Variants in B3GALT1 observed in about 807,000 individuals in gnomAD.
B3GALT1 encodes UDP-Gal:betaGlcNAc beta 1,3-galactosyltransferase, polypeptide 1.
A neutral mutation model predicts 23.2 loss-of-function variants in B3GALT1; 10 were observed. The observed-to-expected ratio is 0.43, with a 90% CI of 0.27 to 0.73. The LOEUF (loss-of-function observed/expected upper bound fraction) is 0.73. Among genes scored for constraint, B3GALT1 ranks in the 30% least tolerant of loss-of-function variants. The probability of loss-of-function intolerance (pLI) is 0.21; values close to 1 mark genes in which losing one functional copy is unlikely to be tolerated. For missense variants in B3GALT1, 299 were observed against 405.4 expected (o/e 0.74, Z 2.25); for synonymous variants, 156 against 141.5 (o/e 1.10, Z -0.73).
intron 1 of B3GALT1, among the ~76,000 whole-genome samples, chr2:167,365,949 G>C (rs2126920): frequency 6.6e-6 from 1 of 152,136 alleles, no homozygotes; most frequent in Non-Finnish European, 1.5e-5. Flanking sequence ...CTGGCCAAAG[G>C]CTACAGATAT....
intron 1 of B3GALT1, among the ~76,000 whole-genome samples, chr2:167,316,814 G>A (rs1488564085): frequency 6.6e-6 from 1 of 152,054 alleles, no homozygotes; most frequent in Non-Finnish European, 1.5e-5. Flanking sequence ...CCTGAGATCA[G>A]CTCCCAAATA....
intron 2 of B3GALT1, among the ~76,000 whole-genome samples, chr2:167,551,865 A>T (rs1187688731): frequency 2.0e-5 from 3 of 152,156 alleles, no homozygotes; most frequent in African/African-American, 4.8e-5. Context: ...GTCTGGGAGC[A>T]CACTGGAGGG....
At chr2:167,616,561 G>T (rs1275613670) in intron 2 of B3GALT1, among the ~76,000 whole-genome samples, 1 of 152,012 alleles carries the variant, frequency 6.6e-6, no homozygotes, top group African/African-American at 2.4e-5. Flanking sequence ...AATTAGCTGG[G>T]TGTGGTGGTG....
At chr2:167,392,872 A>T (rs534536890) in intron 1 of B3GALT1, among the ~76,000 whole-genome samples, 2 of 152,304 alleles carry the variant, frequency 1.3e-5, no homozygotes, top group South Asian at 4.1e-4. Flanking sequence ...TGGATGTATC[A>T]TAACACACTC....
chr2:167,835,133 A>G (rs144673187), intron 4 of B3GALT1, among the ~76,000 whole-genome samples: 52 of 152,250 alleles, frequency 3.4e-4, no homozygotes, highest in African/African-American at 1.2e-3. Context: ...CTGCATTTCC[A>G]TCTGAGGTAC....
At chr2:167,598,027 G>T (rs530349017) in intron 2 of B3GALT1, among the ~76,000 whole-genome samples, 1 of 152,270 alleles carries the variant, frequency 6.6e-6, no homozygotes, top group East Asian at 1.9e-4. Flanking sequence ...TTACCAATCT[G>T]AGGACAGCTT....
chr2:167,746,455 C>G (rs1687653744), intron 3 of B3GALT1, among the ~76,000 whole-genome samples: 1 of 152,194 alleles, frequency 6.6e-6, no homozygotes. Context: ...GCATGCATGA[C>G]CTAACCAAAG....
At chr2:167,659,986 T>C (rs1292075906) in intron 3 of B3GALT1, among the ~76,000 whole-genome samples, 1 of 152,092 alleles carries the variant, frequency 6.6e-6, no homozygotes, top group African/African-American at 2.4e-5. Flanking sequence ...TGTCGTGATC[T>C]GCATCTGGTC....
intron 2 of B3GALT1, among the ~76,000 whole-genome samples, chr2:167,616,273 G>T (rs1282040661): frequency 6.6e-6 from 1 of 152,024 alleles, no homozygotes; most frequent in Non-Finnish European, 1.5e-5. Context: ...TACATCTCTA[G>T]AGGGCAATTT....
chr2:167,800,851 C>T (rs1206369241), intron 3 of B3GALT1, among the ~76,000 whole-genome samples: 1 of 152,284 alleles, frequency 6.6e-6, no homozygotes, highest in African/African-American at 2.4e-5. Context: ...TTCACGTCTT[C>T]GCCTAGAAGT....
chr2:167,522,151 T>G (rs1282026274), intron 2 of B3GALT1, among the ~76,000 whole-genome samples: 1 of 151,854 alleles, frequency 6.6e-6, no homozygotes, highest in East Asian at 1.9e-4. Flanking sequence ...ATAAGGCTTC[T>G]AGAAGGGAAA....
chr2:167,346,634 G>T (rs762039306), intron 1 of B3GALT1, among the ~76,000 whole-genome samples: 3 of 152,070 alleles, frequency 2.0e-5, no homozygotes, highest in Non-Finnish European at 4.4e-5. Context: ...TACAGTTATC[G>T]TAAGTTGGAT....
At chr2:167,429,088 GCTAA>G (rs1698667498) in intron 1 of B3GALT1, among the ~76,000 whole-genome samples, 1 of 151,822 alleles carries the variant, frequency 6.6e-6, no homozygotes, top group Admixed American at 6.6e-5. Flanking sequence ...GACCATCCTG[GCTAA>G]CACGGTGAAA....
intron 1 of B3GALT1, among the ~76,000 whole-genome samples, chr2:167,307,064 A>G (rs10930265): frequency 0.81 from 123,078 of 151,460 alleles, 51,032 homozygotes; most frequent in Non-Finnish European, 0.91. Flanking sequence ...TTTAGGGAAA[A>G]TTAATAAGAT....
At chr2:167,454,629 G>T (rs1269672219) in intron 1 of B3GALT1, among the ~76,000 whole-genome samples, 1 of 152,008 alleles carries the variant, frequency 6.6e-6, no homozygotes, top group Non-Finnish European at 1.5e-5. Flanking sequence ...TGTTCTCCTG[G>T]AAAACTGAGT....
intron 3 of B3GALT1, among the ~76,000 whole-genome samples, chr2:167,683,351 C>G (rs556111012): frequency 6.6e-6 from 1 of 152,322 alleles, no homozygotes; most frequent in Admixed American, 6.5e-5. Flanking sequence ...AGCCCTGCCC[C>G]TCTGCAGTAC....
chr2:167,708,235 G>C lies in B3GALT1; in HGVS notation c.-352+61269G>C, dbSNP rs1302978883. 2.6e-5 allele frequency among the ~76,000 whole-genome samples: 4 copies of C among 152,196 alleles called. No individual in the cohort carries two copies. In the East Asian group the frequency reaches 7.7e-4, roughly 29 times the overall value. On this transcript the variant is annotated intron_variant, in intron 3 of 4. Coordinates refer to ENST00000392690, the MANE Select transcript of B3GALT1 (RefSeq NM_020981.4). ...ACAAATTTTACCTGAAGTGTGAGGA[G>C]ACAGAAGGTGTGCATAAGAATAACA...
At chr2:167,471,396 C>G (rs1699416671) in intron 1 of B3GALT1, among the ~76,000 whole-genome samples, 3 of 152,096 alleles carry the variant, frequency 2.0e-5, no homozygotes, top group Admixed American at 2.0e-4. Flanking sequence ...ATATACCAAA[C>G]CCCATCTTCT....
intron 1 of B3GALT1, among the ~76,000 whole-genome samples, chr2:167,311,504 G>GA (rs1275433043): frequency 1.3e-5 from 2 of 151,796 alleles, no homozygotes; most frequent in East Asian, 3.9e-4. Context: ...TTTTCGAAGT[G>GA]AAAAGTTAAA....
Sources: allele counts gnomAD v4.1 joint callset (sites outside exome capture counted in the v4.1 genomes callset), GRCh38; gene constraint gnomAD v4.1.1; transcripts MANE v1.5; gene names NCBI Gene and HGNC (gene_info 2026-07-23, HGNC 2026-07-21).